The following BBS9 variants were observed in gnomAD, a reference collection of about 807,000 sequenced individuals.
BBS9 encodes Bardet-Biedl syndrome 9, also known as protein PTHB1.
In BBS9, 89 loss-of-function variants were observed where a neutral mutation model predicts 117.7. That is an observed-to-expected ratio of 0.76 (90% confidence interval 0.64 to 0.90). The LOEUF (loss-of-function observed/expected upper bound fraction) is 0.90. Ranked by LOEUF, BBS9 falls within the 40% of genes least tolerant of loss-of-function variation. The pLI is 0.00. For missense variants in BBS9, 982 were observed against 1,042.2 expected (o/e 0.94, Z 0.80); for synonymous variants, 379 against 370.9 (o/e 1.02, Z -0.25).
At chr7:33,359,404 A>G (rs1391104949) in intron 16 of BBS9, among the ~76,000 whole-genome samples, 1 of 152,042 alleles carries the variant, frequency 6.6e-6, no homozygotes, top group Non-Finnish European at 1.5e-5. Flanking sequence ...TGTGTACTAA[A>G]GAAAGCTTAG....
intron 20 of BBS9, among the ~76,000 whole-genome samples, chr7:33,514,898 C>G (rs1269877623): frequency 6.6e-6 from 1 of 152,062 alleles, no homozygotes; most frequent in Admixed American, 6.5e-5. Context: ...GATGCATGAC[C>G]CCATTTGGCA....
chr7:33,323,465 A>T (rs985795028), intron 9 of BBS9, among the ~76,000 whole-genome samples: 5 of 151,904 alleles, frequency 3.3e-5, no homozygotes, highest in Non-Finnish European at 7.4e-5. Flanking sequence ...GGTTGAATTG[A>T]GTTTTTTTTA....
At chr7:33,528,501 T>A (rs1370046074) in intron 20 of BBS9, among the ~76,000 whole-genome samples, 1 of 152,154 alleles carries the variant, frequency 6.6e-6, no homozygotes, top group Non-Finnish European at 1.5e-5. Context: ...AGTTTATAAT[T>A]TGTTTGAAAA....
intron 21 of BBS9, among the ~76,000 whole-genome samples, chr7:33,591,249 A>T (rs1381763867): frequency 6.6e-6 from 1 of 152,072 alleles, no homozygotes; most frequent in East Asian, 1.9e-4. Flanking sequence ...GAGGAAAAAA[A>T]TTTAACTCCT....
At chr7:33,361,858 C>T (rs1337766698) in intron 16 of BBS9, among the ~76,000 whole-genome samples, 1 of 152,062 alleles carries the variant, frequency 6.6e-6, no homozygotes, top group Non-Finnish European at 1.5e-5. Flanking sequence ...AACACAGCTT[C>T]AGTGCATATT....
At chr7:33,170,639 A>T (rs1164890301) in intron 4 of BBS9, among the ~76,000 whole-genome samples, 1 of 151,620 alleles carries the variant, frequency 6.6e-6, no homozygotes, top group African/African-American at 2.4e-5. Flanking sequence ...AGGGTATTCA[A>T]TTAGGAAAAA....
chr7:33,132,110 A>G (rs933058590), intron 1 of BBS9, among the ~76,000 whole-genome samples: 2 of 152,242 alleles, frequency 1.3e-5, no homozygotes, highest in African/African-American at 4.8e-5. Flanking sequence ...AATCAAATTT[A>G]TGACATACTT....
At chr7:33,477,839 G>T (rs1004977299) in intron 19 of BBS9, among the ~76,000 whole-genome samples, 8 of 152,170 alleles carry the variant, frequency 5.3e-5, no homozygotes, top group African/African-American at 1.7e-4. Flanking sequence ...ACCACTAGTT[G>T]TGTGGTGCCA....
intron 19 of BBS9, among the ~76,000 whole-genome samples, chr7:33,452,853 T>C (rs772870067): frequency 5.9e-5 from 9 of 152,168 alleles, no homozygotes; most frequent in African/African-American, 2.2e-4. Context: ...CCATGTAGTA[T>C]GGGATCAAAA....
At chr7:33,315,280 G>C (rs1810238665) in intron 9 of BBS9, among the ~76,000 whole-genome samples, 1 of 152,086 alleles carries the variant, frequency 6.6e-6, no homozygotes, top group African/African-American at 2.4e-5. Flanking sequence ...GCAACCCTTG[G>C]TGTTCCTTGG....
intron 12 of BBS9, 27 bp from the exon 13 acceptor site, chr7:33,349,041 T>A (rs780616222): frequency 1.4e-6 from 2 of 1,448,720 alleles, no homozygotes; most frequent in Non-Finnish European, 1.9e-6. Context: ...TGTAATTTTC[T>A]ATTGATAACA....
intron 21 of BBS9, among the ~76,000 whole-genome samples, chr7:33,616,551 CAATG>C (rs1219164221): frequency 2.1e-5 from 3 of 143,816 alleles, no homozygotes; most frequent in East Asian, 2.1e-4. Flanking sequence ...ATAAAATACT[CAATG>C]AAACCACAAA....
intron 19 of BBS9, among the ~76,000 whole-genome samples, chr7:33,423,612 G>A (rs920368584): frequency 2.0e-5 from 3 of 151,934 alleles, no homozygotes; most frequent in South Asian, 2.1e-4. Flanking sequence ...TTCAGAGTCA[G>A]TAAACTTCAG....
At chr7:33,405,038 A>T (rs1476128660) in intron 19 of BBS9, among the ~76,000 whole-genome samples, 5 of 152,170 alleles carry the variant, frequency 3.3e-5, no homozygotes, top group Non-Finnish European at 7.3e-5. Context: ...GAACTTATTG[A>T]GAGTTTTTAG....
intron 1 of BBS9, among the ~76,000 whole-genome samples, chr7:33,136,515 T>C (rs1282326928): frequency 1.3e-5 from 2 of 152,142 alleles, no homozygotes; most frequent in African/African-American, 4.8e-5. Flanking sequence ...CTTTTATCAG[T>C]GTGAGGAACC....
chr7:33,327,985 A>G (rs1813190939), intron 9 of BBS9, among the ~76,000 whole-genome samples: 1 of 152,146 alleles, frequency 6.6e-6, no homozygotes, highest in African/African-American at 2.4e-5. Context: ...ATGGGTAGCC[A>G]TGTTGAGCTT....
At chr7:33,187,451 T>C (rs1783307191) in intron 5 of BBS9, among the ~76,000 whole-genome samples, 1 of 152,250 alleles carries the variant, frequency 6.6e-6, no homozygotes, top group South Asian at 2.1e-4. Context: ...TGGTTTGTTG[T>C]AGGTGCTTGG....
intron 21 of BBS9, among the ~76,000 whole-genome samples, chr7:33,622,650 C>A (rs1321270304): frequency 6.6e-6 from 1 of 152,112 alleles, no homozygotes; most frequent in Non-Finnish European, 1.5e-5. Context: ...GCAAAGGCCT[C>A]AAAACAGCCA....
At chr7:33,527,505 G>T (rs976821589) in intron 20 of BBS9, among the ~76,000 whole-genome samples, 2 of 152,184 alleles carry the variant, frequency 1.3e-5, no homozygotes, top group African/African-American at 4.8e-5. Flanking sequence ...GGAGTGACCC[G>T]ATTTTCCAGG....
Sources: gnomAD v4.1 joint callset for allele counts (sites outside exome capture counted in the v4.1 genomes callset) on GRCh38, gnomAD v4.1.1 for gene constraint, MANE v1.5 for transcripts, NCBI Gene and HGNC (gene_info 2026-07-23, HGNC 2026-07-21) for gene names.